Variants in ATP8B1 observed in about 807,000 individuals in gnomAD.
ATP8B1 encodes phospholipid-transporting ATPase IC.
In ATP8B1, 80 loss-of-function variants were observed where a neutral mutation model predicts 149.9. The observed-to-expected ratio is 0.53, with a 90% CI of 0.45 to 0.64. ATP8B1 has a LOEUF of 0.64. Ranked by LOEUF, ATP8B1 falls within the 30% of genes least tolerant of loss-of-function variation. ATP8B1 has a pLI of 0.00. For synonymous variants in ATP8B1, 536 were observed against 562.8 expected (o/e 0.95, Z 0.67); for missense variants, 1,247 against 1,552.6 (o/e 0.80, Z 3.31).
At chr18:57,686,609 T>C (rs1912263710) in intron 13 of ATP8B1, among the ~76,000 whole-genome samples, 1 of 152,044 alleles carries the variant, frequency 6.6e-6, no homozygotes, top group East Asian at 1.9e-4. Context: ...TTAGTAGAGA[T>C]GGGGTTTCAT....
At chr18:57,745,172 G>A (rs771165089) in intron 1 of ATP8B1, among the ~76,000 whole-genome samples, 7 of 152,120 alleles carry the variant, frequency 4.6e-5, no homozygotes, top group African/African-American at 1.4e-4. Flanking sequence ...TGATGGCCAC[G>A]CTTTATGTAC....
chr18:57,716,317 C>T (rs372896589), intron 2 of ATP8B1, among the ~76,000 whole-genome samples: 1 of 151,582 alleles, frequency 6.6e-6, no homozygotes, highest in African/African-American at 2.4e-5. Context: ...CACCGGAAAA[C>T]ATAACAAAAT....
chr18:57,692,846 G>A (rs530967382), intron 11 of ATP8B1, among the ~76,000 whole-genome samples: 2 of 152,280 alleles, frequency 1.3e-5, no homozygotes, highest in Non-Finnish European at 2.9e-5. Context: ...GAAGCAATAT[G>A]ATAAGTATTA....
chr18:57,780,539 G>T (rs1435219949), intron 1 of ATP8B1, among the ~76,000 whole-genome samples: 1 of 152,134 alleles, frequency 6.6e-6, no homozygotes, highest in East Asian at 1.9e-4. Flanking sequence ...ATAAAAACAA[G>T]CTTCTTGAAA....
Position 57,668,456 on chromosome 18 carries a change from T to G in ATP8B1, c.2182A>C (p.Ile728Leu). 1 of 1,611,372 alleles carries G rather than the reference T, an allele frequency of 6.2e-7. No homozygotes were observed. Among genetic ancestry groups the G allele is most frequent in the Non-Finnish European group, 8.5e-7 (1 of 1,178,606 alleles). ...TTTTTGTCTCCAGTAAGCACCCAGA[T>G]CTTAATGTCAGCTTTTGCAAGTTTT... ...ISKLAKADIK[I>L]WVLTGDKKET... Residue 728 changes from isoleucine to leucine, a missense_variant, in exon 19 of 28, where the codon ATC (isoleucine) becomes CTC (leucine). Ile to Leu is a conservative substitution (Grantham distance 5). Coordinates refer to ENST00000648908, the MANE Select transcript of ATP8B1 (RefSeq NM_001374385.1).
chr18:57,659,754 G>A (rs1328429549), intron 22 of ATP8B1: 1 of 152,036 alleles, frequency 6.6e-6, no homozygotes, highest in African/African-American at 2.4e-5. Context: ...TCATACAGCT[G>A]ACTCCTGTTG....
chr18:57,701,221 G>A lies in ATP8B1; in HGVS notation c.486C>T (p.Asp162=), dbSNP rs761470016. The change falls in exon 5 of 28, where the codon GAC becomes GAT. Residue 162 remains aspartate, a synonymous_variant. Coordinates refer to ENST00000648908, the MANE Select transcript of ATP8B1 (RefSeq NM_001374385.1). ...TTGTATGAGAAATCCTCACCACATC[G>A]TCCACCAGGTCTTTGATTGCAGTGA... ...LGVTAIKDLV[D]DVARHKMDKE... 1.9e-5 allele frequency: 31 copies of A among 1,613,952 alleles called. No homozygotes were observed. The highest frequency in any genetic ancestry group is 2.7e-5 in the African/African-American group (2 of 74,908).
intron 2 of ATP8B1, among the ~76,000 whole-genome samples, chr18:57,713,240 C>CTTTCT (rs1418593919): frequency 2.8e-3 from 184 of 64,780 alleles, no homozygotes; most frequent in Middle Eastern, 7.4e-3. Flanking sequence ...TCCTTCCTTC[C>CTTTCT]TTCTTTCTTT....
rs2080593222 is a variant in ATP8B1 at position 57,802,753 on chromosome 18, G to C, written c.-26+245C>G. 6.6e-6 allele frequency among the ~76,000 whole-genome samples: 1 copy of C among 152,154 alleles called. No individual in the cohort carries two copies. The highest frequency in any genetic ancestry group is 2.4e-5 in the African/African-American group (1 of 41,442). On this transcript the variant is annotated intron_variant, in intron 1 of 27. Coordinates refer to ENST00000648908, the MANE Select transcript of ATP8B1 (RefSeq NM_001374385.1). The surrounding 1 kb of genome is among the most constrained non-coding windows in gnomAD (Gnocchi z 4.9). Reference sequence around the variant, plus strand: ...CCTCTAGGCAGGTGAAAACCCCACGGAACTCTCCGCAGCGCTGCCTGCCCA... The same window carrying C: ...CCTCTAGGCAGGTGAAAACCCCACGCAACTCTCCGCAGCGCTGCCTGCCCA...
intron 2 of ATP8B1, among the ~76,000 whole-genome samples, chr18:57,729,874 C>G (rs978633604): frequency 2.6e-5 from 4 of 152,072 alleles, no homozygotes; most frequent in African/African-American, 9.6e-5. Context: ...TAATTTTGGT[C>G]AAGTATCATG....
At chr18:57,757,766 A>G (rs1331840871) in intron 1 of ATP8B1, among the ~76,000 whole-genome samples, 2 of 152,192 alleles carry the variant, frequency 1.3e-5, no homozygotes, top group African/African-American at 4.8e-5. Flanking sequence ...TGCCAGTATC[A>G]CTACATAAAG....
rs1910531273 is a variant in ATP8B1 at position 57,662,538 on chromosome 18, T to C, written c.2363A>G (p.Glu788Gly). 6.2e-7 allele frequency: 1 copy of C among 1,614,156 alleles called. No individual in the cohort carries two copies. Among genetic ancestry groups the C allele is most frequent in the African/African-American group, 1.3e-5 (1 of 75,026 alleles). ...VYAKFAPPVQESFFPPGGNRA... is the reference protein window; with the variant it reads ...VYAKFAPPVQGSFFPPGGNRA... ...GTTTCCACCGGGTGGAAAAAAAGAT[T>C]CCTGCACAGGAGGTGCAAACTTTGC... The change falls in exon 21 of 28, where the codon GAA becomes GGA. Residue 788 changes from glutamate to glycine, a missense_variant. Glu to Gly is a moderately conservative substitution (Grantham distance 98, BLOSUM62 -2). This residue lies in a region of ATP8B1 where 853 missense variants were observed against 1,035.7 expected (regional missense o/e 0.82). Coordinates refer to ENST00000648908, the MANE Select transcript of ATP8B1 (RefSeq NM_001374385.1).
At chr18:57,759,445 T>C (rs1048116798) in intron 1 of ATP8B1, among the ~76,000 whole-genome samples, 6 of 152,208 alleles carry the variant, frequency 3.9e-5, no homozygotes, top group African/African-American at 1.2e-4. Context: ...TTGAGAATTT[T>C]TAAAAAATCA....
chr18:57,764,757 CAAAAAAAAAAAA>C (rs71171091), intron 1 of ATP8B1, among the ~76,000 whole-genome samples: 1 of 104,174 alleles, frequency 9.6e-6, no homozygotes, highest in Admixed American at 1.1e-4. Context: ...TTTCAGTTGT[CAAAAAAAAAAAA>C]AAAAAAAAAA....
At chr18:57,779,095 G>A (rs533317997) in intron 1 of ATP8B1, among the ~76,000 whole-genome samples, 34 of 152,216 alleles carry the variant, frequency 2.2e-4, no homozygotes, top group African/African-American at 7.9e-4. Flanking sequence ...GGCTGAGGTG[G>A]GCAGATTGTT....
intron 23 of ATP8B1, among the ~76,000 whole-genome samples, chr18:57,654,690 CCCT>C (rs1275427555): frequency 2.4e-5 from 3 of 124,152 alleles, no homozygotes; most frequent in African/African-American, 9.0e-5. Context: ...CAAGCAAATC[CCCT>C]CCTTTTTTTT....
intron 1 of ATP8B1, among the ~76,000 whole-genome samples, chr18:57,758,435 G>C (rs1442540758): frequency 1.3e-5 from 2 of 151,362 alleles, no homozygotes; most frequent in African/African-American, 2.4e-5. Context: ...GAGGTCAGGA[G>C]TTCGAGACCA....
chr18:57,733,369 A>T (rs954415340), intron 1 of ATP8B1, among the ~76,000 whole-genome samples: 1 of 152,072 alleles, frequency 6.6e-6, no homozygotes, highest in African/African-American at 2.4e-5. Context: ...AGAGGAGAAA[A>T]ATCAAAACAC....
At chr18:57,779,316 GA>G (rs35813912) in intron 1 of ATP8B1, among the ~76,000 whole-genome samples, 3 of 143,260 alleles carry the variant, frequency 2.1e-5, no homozygotes, top group Non-Finnish European at 3.1e-5. Flanking sequence ...CCCTCCCTCA[GA>G]AAAAAAAAAG....
Sources: gnomAD v4.1 joint callset for allele counts (sites outside exome capture counted in the v4.1 genomes callset) on GRCh38, gnomAD v4.1.1 for gene constraint, gnomAD v4.1.1 regional missense constraint, Gnocchi (gnomAD v3.1) non-coding constraint, MANE v1.5 for transcripts, NCBI Gene and HGNC (gene_info 2026-07-23, HGNC 2026-07-21) for gene names.